Variants in RADX observed in about 807,000 individuals in gnomAD.
RADX encodes the protein RPA-related protein RADX.
A neutral mutation model predicts 61.6 loss-of-function variants in RADX; 36 were observed. The observed-to-expected ratio is 0.58, with a 90% CI of 0.45 to 0.77. The LOEUF is 0.77. RADX is among the 30% of genes least tolerant of loss of function. The pLI is 0.00. For missense variants in RADX, 497 were observed against 651.1 expected (o/e 0.76, Z 2.58); for synonymous variants, 272 against 237.9 (o/e 1.14, Z -1.32).
chrX:106,649,245 T>C (rs770890498), intron 11 of RADX, among the ~76,000 whole-genome samples: 29 of 111,172 alleles, frequency 2.6e-4, no homozygotes, highest in Admixed American at 7.7e-4. Context: ...AAAATATAAT[T>C]TGCGGACTTA....
intron 2 of RADX, among the ~76,000 whole-genome samples, chrX:106,623,627 CAT>C (rs1466169271): frequency 1.0e-4 from 11 of 110,049 alleles, no homozygotes; most frequent in African/African-American, 3.6e-4. Flanking sequence ...TATATATATA[CAT>C]ACACATATCT....
intron 11 of RADX, 84 bp from the exon 12 acceptor site, chrX:106,661,931 A>G: frequency 1.2e-6 from 1 of 823,734 alleles, no homozygotes; most frequent in Non-Finnish European, 1.7e-6. Context: ...CTTCCTCATT[A>G]ATGTGTGGTT....
chrX:106,643,535 T>G (rs1227639350), intron 10 of RADX, among the ~76,000 whole-genome samples: 1 of 111,505 alleles, frequency 9.0e-6, no homozygotes, highest in African/African-American at 3.3e-5. Flanking sequence ...TATAGTTTCA[T>G]TCTTCTGAAT....
chrX:106,643,256 G>A (rs753482901), intron 10 of RADX, among the ~76,000 whole-genome samples: 44 of 111,347 alleles, frequency 4.0e-4, no homozygotes, highest in Non-Finnish European at 6.6e-4. Context: ...TAGTTTGCAA[G>A]TATTTCCTCC....
At chrX:106,634,434 T>C (rs1377956225) in intron 6 of RADX, among the ~76,000 whole-genome samples, 1 of 111,416 alleles carries the variant, frequency 9.0e-6, no homozygotes, top group Non-Finnish European at 1.9e-5. Context: ...GCACCTGGCC[T>C]ATATCTATTA....
intron 7 of RADX, 66 bp downstream of exon 7, chrX:106,636,713 T>C: frequency 1.9e-6 from 1 of 521,229 alleles, no homozygotes; most frequent in East Asian, 3.9e-5. Context: ...CTTCAGTACA[T>C]ATTAACTTTT....
chrX:106,661,978 T>C, intron 11 of RADX, 37 bp from the exon 12 acceptor site: 1 of 1,154,334 alleles, frequency 8.7e-7, no homozygotes, highest in South Asian at 2.0e-5. Flanking sequence ...GATTAGTTTA[T>C]AGATCAATTG....
intron 13 of RADX, among the ~76,000 whole-genome samples, chrX:106,673,081 C>A (rs1487615953): frequency 1.8e-5 from 2 of 111,914 alleles, no homozygotes; most frequent in Non-Finnish European, 3.8e-5. Flanking sequence ...AGAGCCAAGT[C>A]CTGGAATCGG....
At chrX:106,650,552 A>G (rs890468691) in intron 11 of RADX, among the ~76,000 whole-genome samples, 2 of 110,642 alleles carry the variant, frequency 1.8e-5, no homozygotes, top group African/African-American at 6.6e-5. Context: ...TAGGCCAATC[A>G]GAAAGAGGCT....
In RADX at chrX:106,612,088, G is replaced by C. The variant is rs771275007; in HGVS notation, c.8G>C (p.Gly3Ala). 5.0e-6 allele frequency: 6 copies of C among 1,204,720 alleles called. No individual in the cohort carries two copies. The highest frequency in any genetic ancestry group is 4.4e-5 in the Admixed American group (2 of 45,329). Residue 3 changes from glycine (G) to alanine (A), a missense_variant, in exon 1 of 14, where the codon GGT (glycine) becomes GCT (alanine). By Grantham distance (60) the Gly-to-Ala change is moderately conservative (BLOSUM62 0). This residue lies in a region of RADX where 34 missense variants were observed against 29.1 expected (regional missense o/e 1.17). Coordinates refer to ENST00000372548, the MANE Select transcript of RADX (RefSeq NM_018015.6). MS[G>A]ESGQPEAGPS... ...GTACGCAGTTATCCAACAATGTCTG[G>C]TGAGTCAGGACAGCCTGAGGCTGGT...
rs1926685274 is a variant in RADX at position 106,611,999 on chromosome X, A to G, written c.-82A>G. On this transcript the variant is annotated 5_prime_UTR_variant, in exon 1 of 14. Transcript: ENST00000372548. Reference sequence around the variant, plus strand: ...CAGGGGCAGAGTAGCGATCGTCGCCAAAGCGCGCGGTTTTATTTCTCTCCG... The same window carrying G: ...CAGGGGCAGAGTAGCGATCGTCGCCGAAGCGCGCGGTTTTATTTCTCTCCG... 4 of 1,024,860 alleles carry G rather than the reference A, an allele frequency of 3.9e-6. No homozygotes were observed. Among genetic ancestry groups the G allele is most frequent in the South Asian group, 2.2e-5 (1 of 44,866 alleles). The allele number at this position is 1,024,860 out of a possible 1,213,427, so 84.5% of individuals were successfully genotyped here. A position where few individuals can be genotyped will look rare whatever the true frequency, so the allele number is the denominator to read the frequency against.
At chrX:106,657,955 A>G (rs1272073479) in intron 11 of RADX, among the ~76,000 whole-genome samples, 2 of 111,918 alleles carry the variant, frequency 1.8e-5, no homozygotes, top group Non-Finnish European at 3.8e-5. Flanking sequence ...TGCTCAACAC[A>G]GGGTTCCCAC....
At position 106,662,295 on chromosome X, in the gene RADX, AAC is replaced by A; in HGVS notation, c.2260_2261del (p.Thr754HisfsTer7). On this transcript the variant is annotated frameshift_variant, in exon 12 of 14. Coordinates refer to ENST00000372548, the MANE Select transcript of RADX (RefSeq NM_018015.6). LOFTEE classifies it high-confidence loss of function. ...SARSLGHFEV[T>X]ILGLNHEIAI... is the part of the protein sequence containing the mutation. ...CCCGAAGCCTTGGACATTTTGAAGT[AAC>A]CATACTAGGTAAGTTCACTGTTCTT... is the stretch of plus-strand genomic sequence containing the variant. 1.7e-6 allele frequency: 2 copies of A among 1,200,997 alleles called. No individual in the cohort carries two copies. The highest frequency in any genetic ancestry group is 2.3e-6 in the Non-Finnish European group (2 of 888,429).
intron 1 of RADX, among the ~76,000 whole-genome samples, chrX:106,615,698 A>G (rs1302129354): frequency 3.9e-5 from 4 of 103,109 alleles, no homozygotes; most frequent in Non-Finnish European, 5.7e-5. Flanking sequence ...TATAAGATCC[A>G]CAACTCTTTT....
chrX:106,633,877 T>A (rs1412681181), intron 6 of RADX, among the ~76,000 whole-genome samples: 1 of 111,870 alleles, frequency 8.9e-6, no homozygotes, highest in Non-Finnish European at 1.9e-5. Context: ...ACATATTACA[T>A]ATAACAGGCT....
At chrX:106,634,350 A>C (rs112033845) in intron 6 of RADX, among the ~76,000 whole-genome samples, 1,886 of 110,921 alleles carry the variant, frequency 0.017, 17 homozygotes, top group Non-Finnish European at 0.024. Context: ...TGGGCAGGCT[A>C]GTCTCGAACT....
intron 13 of RADX, among the ~76,000 whole-genome samples, chrX:106,673,677 C>A (rs1603065612): frequency 1.0e-5 from 1 of 100,368 alleles, no homozygotes. Context: ...GTCTCCCCCC[C>A]ATCCCCCCCC....
At chrX:106,636,690 C>T (rs763984833) in intron 7 of RADX, 43 bp downstream of exon 7, 3 of 773,682 alleles carry the variant, frequency 3.9e-6, no homozygotes, top group Non-Finnish European at 5.8e-6. Context: ...TATATTTTCT[C>T]TTCCCTAGAA....
At position 106,612,402 on chromosome X, in the gene RADX, T is replaced by C. The variant is rs1310535411; in HGVS notation, c.322T>C (p.Cys108Arg). ...CTCAGATGGGGTGTACCAGGAGAAGTGCTACCTGGACCCCAGCTTGAACTC... is the reference window on the plus strand; with the variant it reads ...CTCAGATGGGGTGTACCAGGAGAAGCGCTACCTGGACCCCAGCTTGAACTC... ...TISDGVYQEK[C>R]YLDPSLNSLV... The change falls in exon 1 of 14, where the codon TGC becomes CGC. Residue 108 changes from cysteine to arginine, a missense_variant. This residue lies in a region of RADX where 196 missense variants were observed against 315.0 expected (regional missense o/e 0.62). Coordinates refer to ENST00000372548, the MANE Select transcript of RADX (RefSeq NM_018015.6). 3 of 1,210,782 alleles carry C rather than the reference T, an allele frequency of 2.5e-6. No homozygotes were observed. The East Asian group carries it at 8.9e-5, about 36-fold the overall frequency.
Sources: allele counts gnomAD v4.1 joint callset (sites outside exome capture counted in the v4.1 genomes callset), GRCh38; gene constraint gnomAD v4.1.1; regional missense constraint gnomAD v4.1.1; transcripts MANE v1.5; gene names NCBI Gene and HGNC (gene_info 2026-07-23, HGNC 2026-07-21).